The following UBR3 variants were observed in gnomAD, a reference collection of about 807,000 sequenced individuals.
UBR3 encodes ubiquitin protein ligase E3 component n-recognin 3, also known as E3 ubiquitin-protein ligase UBR3.
Under a neutral mutation model 243.2 loss-of-function variants are expected in UBR3, and 85 were observed. That is an observed-to-expected ratio of 0.35 (90% CI 0.29 to 0.42). The LOEUF is 0.42. UBR3 is among the 10% of genes least tolerant of loss of function. The pLI is 1.00. For missense variants in UBR3, 1,686 were observed against 2,300.8 expected (o/e 0.73, Z 5.47); for synonymous variants, 748 against 799.8 (o/e 0.94, Z 1.09).
intron 1 of UBR3, among the ~76,000 whole-genome samples, chr2:169,857,836 A>G (rs1480154924): frequency 6.6e-6 from 1 of 152,124 alleles, no homozygotes; most frequent in African/African-American, 2.4e-5. Flanking sequence ...GACCCTCCTG[A>G]GCTAAAGTGA....
intron 5 of UBR3, among the ~76,000 whole-genome samples, chr2:169,881,286 T>A (rs561735087): frequency 6.6e-6 from 1 of 152,038 alleles, no homozygotes; most frequent in South Asian, 2.1e-4. Context: ...TTCAAGCGAT[T>A]CTCCTGCCTC....
intron 31 of UBR3, among the ~76,000 whole-genome samples, chr2:170,032,580 CTTTTTTTTTTTTTT>C (rs6147023): frequency 5.4e-4 from 11 of 20,440 alleles, no homozygotes; most frequent in African/African-American, 2.3e-3. Flanking sequence ...ATGACATTCA[CTTTTTTTTTTTTTT>C]TTTTTTTTTT....
At chr2:169,995,974 A>G (rs1181473429) in intron 26 of UBR3, among the ~76,000 whole-genome samples, 1 of 152,238 alleles carries the variant, frequency 6.6e-6, no homozygotes, top group East Asian at 1.9e-4. Context: ...AGCTTAAAAT[A>G]TAAAGTAAAA....
chr2:169,902,875 G>C (rs916987195), intron 8 of UBR3, among the ~76,000 whole-genome samples: 1 of 152,172 alleles, frequency 6.6e-6, no homozygotes, highest in African/African-American at 2.4e-5. Context: ...CTCCCAAAGT[G>C]CTGGGATTAC....
At chr2:170,022,016 G>A (rs1028184634) in intron 30 of UBR3, among the ~76,000 whole-genome samples, 1 of 152,062 alleles carries the variant, frequency 6.6e-6, no homozygotes, top group Admixed American at 6.6e-5. Flanking sequence ...CATTTTAAAC[G>A]AGGTGCTTAA....
intron 35 of UBR3, among the ~76,000 whole-genome samples, chr2:170,062,102 TTGAAGA>T (rs1340195932): frequency 1.3e-5 from 2 of 152,214 alleles, no homozygotes; most frequent in African/African-American, 4.8e-5. Context: ...AACCGGTTGG[TTGAAGA>T]TATGACAGCA....
chr2:169,926,409 G>A (rs984869473), intron 14 of UBR3, among the ~76,000 whole-genome samples: 3 of 152,102 alleles, frequency 2.0e-5, no homozygotes, highest in East Asian at 1.9e-4. Flanking sequence ...CCAACACGTC[G>A]AAACCCTGTC....
chr2:169,829,311 T>C (rs1437857945), intron 1 of UBR3, among the ~76,000 whole-genome samples: 1 of 151,994 alleles, frequency 6.6e-6, no homozygotes, highest in African/African-American at 2.4e-5. Context: ...ACTTGGTAGC[T>C]AGAGGAGGGA....
chr2:169,924,761 G>A (rs1480779988), intron 13 of UBR3, among the ~76,000 whole-genome samples: 1 of 152,132 alleles, frequency 6.6e-6, no homozygotes, highest in Non-Finnish European at 1.5e-5. Flanking sequence ...GAAGCCAGGT[G>A]TGGTGGCTCA....
intron 7 of UBR3, among the ~76,000 whole-genome samples, chr2:169,895,613 T>A (rs561604576): frequency 6.6e-6 from 1 of 152,226 alleles, no homozygotes; most frequent in Non-Finnish European, 1.5e-5. Context: ...AAATATGTAG[T>A]TACAAATTGT....
Position 169,947,645 on chromosome 2 carries a change from C to T in UBR3, c.3014C>T (p.Pro1005Leu), listed in dbSNP as rs2086837794. 3 of 1,541,782 alleles carry T rather than the reference C, an allele frequency of 1.9e-6. No individual in the cohort carries two copies. Among genetic ancestry groups the T allele is most frequent in the African/African-American group, 2.8e-5 (2 of 72,516 alleles). The change falls in exon 22 of 39, where the codon CCA becomes CTA. Residue 1005 changes from proline to leucine, a missense_variant. Physicochemically the swap from Pro to Leu is moderately conservative, Grantham distance 98 (BLOSUM62 -3). Coordinates refer to ENST00000272793, the MANE Select transcript of UBR3 (RefSeq NM_172070.4). ...ATAAACTATGTTAGAGTAAGAGTTC[C>T]AGAGACTGCTCCTGAAGTAAAGAGA... ...HFINYVRVRV[P>L]ETAPEVKRDS...
chr2:169,954,036 T>C (rs1307870352), intron 23 of UBR3, among the ~76,000 whole-genome samples: 1 of 152,230 alleles, frequency 6.6e-6, no homozygotes, highest in Non-Finnish European at 1.5e-5. Flanking sequence ...TATTTTGAAG[T>C]AATCTTAAAC....
chr2:169,884,611 G>A (rs1049587833), intron 5 of UBR3, among the ~76,000 whole-genome samples: 2 of 152,118 alleles, frequency 1.3e-5, no homozygotes, highest in African/African-American at 2.4e-5. Flanking sequence ...TGTGTATCCT[G>A]TTTTAATCTG....
intron 1 of UBR3, among the ~76,000 whole-genome samples, chr2:169,851,306 G>A (rs2082648681): frequency 6.6e-6 from 1 of 152,030 alleles, no homozygotes; most frequent in Non-Finnish European, 1.5e-5. Context: ...TGTATTTTTT[G>A]TATACATGGG....
chr2:169,962,960 T>G (rs2087646681), intron 24 of UBR3, among the ~76,000 whole-genome samples: 1 of 152,102 alleles, frequency 6.6e-6, no homozygotes, highest in Non-Finnish European at 1.5e-5. Context: ...ATGGGTAAAG[T>G]GTGTTGACTG....
At chr2:169,962,287 T>G (rs2087614339) in intron 24 of UBR3, among the ~76,000 whole-genome samples, 1 of 152,122 alleles carries the variant, frequency 6.6e-6, no homozygotes, top group African/African-American at 2.4e-5. Flanking sequence ...CTTTCTGTAT[T>G]GCTCAGGTTG....
At chr2:169,867,202 T>C (rs1027165001) in intron 1 of UBR3, among the ~76,000 whole-genome samples, 1 of 152,216 alleles carries the variant, frequency 6.6e-6, no homozygotes, top group Admixed American at 6.5e-5. Flanking sequence ...TCAGTTAATT[T>C]CTACAAAGTT....
intron 35 of UBR3, among the ~76,000 whole-genome samples, chr2:170,072,119 A>G (rs2091710783): frequency 6.6e-6 from 1 of 152,166 alleles, no homozygotes; most frequent in African/African-American, 2.4e-5. Flanking sequence ...AGACATATGC[A>G]CACATATGTT....
chr2:169,941,393 GATAAA>G (rs550566549), intron 19 of UBR3, among the ~76,000 whole-genome samples: 255 of 152,138 alleles, frequency 1.7e-3, no homozygotes, highest in African/African-American at 5.8e-3. Context: ...AATAACTAAA[GATAAA>G]ATAAAACAAT....
Sources: allele counts gnomAD v4.1 joint callset (sites outside exome capture counted in the v4.1 genomes callset), GRCh38; gene constraint gnomAD v4.1.1; transcripts MANE v1.5; gene names NCBI Gene and HGNC (gene_info 2026-07-23, HGNC 2026-07-21).